Variants in DLG2 observed in about 807,000 individuals in gnomAD.
DLG2 encodes disks large homolog 2.
In DLG2, 45 loss-of-function variants were observed where a neutral mutation model predicts 132.5. That is an observed-to-expected ratio of 0.34 (90% CI 0.27 to 0.44). The LOEUF (loss-of-function observed/expected upper bound fraction) is 0.44. Among genes scored for constraint, DLG2 ranks in the 20% least tolerant of loss-of-function variants. DLG2 has a pLI of 1.00. For synonymous variants in DLG2, 424 were observed against 419.6 expected (o/e 1.01, Z -0.13); for missense variants, 1,045 against 1,196.9 (o/e 0.87, Z 1.87).
chr11:84,481,701 T>C (rs1181821293), intron 7 of DLG2, among the ~76,000 whole-genome samples: 1 of 152,190 alleles, frequency 6.6e-6, no homozygotes. Context: ...CTGTGCCCTC[T>C]GCTCCCAAAA....
intron 16 of DLG2, among the ~76,000 whole-genome samples, chr11:83,858,134 A>C (rs1726969984): frequency 6.6e-6 from 1 of 152,178 alleles, no homozygotes; most frequent in African/African-American, 2.4e-5. Flanking sequence ...CCAAATATGC[A>C]ACGTGTCTGT....
intron 18 of DLG2, among the ~76,000 whole-genome samples, chr11:83,769,962 G>A (rs1162993732): frequency 6.6e-6 from 1 of 152,084 alleles, no homozygotes; most frequent in Non-Finnish European, 1.5e-5. Context: ...TGGAGGGGTG[G>A]TGCTCCAATC....
chr11:85,232,330 T>A (rs1023202743), intron 4 of DLG2, among the ~76,000 whole-genome samples: 2 of 151,876 alleles, frequency 1.3e-5, no homozygotes, highest in African/African-American at 2.4e-5. Context: ...TTTATTTTCA[T>A]CAAAATTTTG....
chr11:84,447,640 T>C (rs1602296085), intron 7 of DLG2, among the ~76,000 whole-genome samples: 2 of 152,074 alleles, frequency 1.3e-5, no homozygotes, highest in African/African-American at 4.8e-5. Context: ...TGAGTAGTTT[T>C]TTCTTTCTTT....
chr11:83,849,309 AAATAAT>A (rs1265538608), intron 16 of DLG2, among the ~76,000 whole-genome samples: 4 of 146,918 alleles, frequency 2.7e-5, no homozygotes, highest in African/African-American at 1.0e-4. Context: ...AAATATAAAT[AAATAAT>A]ATATATAATA....
In DLG2 at chr11:84,317,342, G is replaced by A. The variant is rs371783135; in HGVS notation, c.520-66051C>T. The A allele has an allele frequency of 4.0e-4, 565 of 1,407,454 alleles. 3 individuals are homozygous for A. The highest frequency in any genetic ancestry group is 3.7e-3 in the South Asian group (231 of 62,882). The allele number at this position is 1,407,454 out of a possible 1,614,324, so 87.2% of individuals were successfully genotyped here. A position where few individuals can be genotyped will look rare whatever the true frequency, so the allele number is the denominator to read the frequency against. On this transcript the variant is annotated intron_variant, in intron 7 of 27. Transcript: ENST00000376104. ...CAGCTCCGCACAGCATTATCTGCGG[G>A]CTGGTAGCTCTTTGTCAATAGATGA...
At chr11:84,806,172 G>A (rs920781936) in intron 6 of DLG2, among the ~76,000 whole-genome samples, 1 of 152,054 alleles carries the variant, frequency 6.6e-6, no homozygotes, top group African/African-American at 2.4e-5. Context: ...AAGAGCCTCA[G>A]GGATCTGTAG....
At chr11:85,279,243 G>A (rs1414447925) in intron 4 of DLG2, among the ~76,000 whole-genome samples, 1 of 152,066 alleles carries the variant, frequency 6.6e-6, no homozygotes, top group Admixed American at 6.6e-5. Flanking sequence ...ATGTTCCTGA[G>A]TTTCACTTTA....
At chr11:85,352,257 C>G (rs2083349952) in intron 3 of DLG2, among the ~76,000 whole-genome samples, 3 of 151,982 alleles carry the variant, frequency 2.0e-5, no homozygotes, top group African/African-American at 7.3e-5. Flanking sequence ...GTGGTGATAT[C>G]CCCTTTATCA....
intron 3 of DLG2, among the ~76,000 whole-genome samples, chr11:85,359,471 G>C (rs549045090): frequency 9.9e-5 from 15 of 152,218 alleles, no homozygotes; most frequent in Non-Finnish European, 1.6e-4. Context: ...ATATCAAGCT[G>C]GTCATTATAA....
intron 19 of DLG2, among the ~76,000 whole-genome samples, chr11:83,608,203 T>C (rs908678030): frequency 6.6e-6 from 1 of 152,228 alleles, no homozygotes; most frequent in African/African-American, 2.4e-5. Flanking sequence ...ACACCTAACG[T>C]ACCAAACATC....
At chr11:85,161,476 T>C (rs973873801) in intron 4 of DLG2, among the ~76,000 whole-genome samples, 11 of 152,236 alleles carry the variant, frequency 7.2e-5, no homozygotes, top group African/African-American at 2.4e-4. Context: ...GTTGATTATA[T>C]TGGACCTCTT....
chr11:85,377,871 A>G (rs2085554112), intron 3 of DLG2, among the ~76,000 whole-genome samples: 1 of 150,508 alleles, frequency 6.6e-6, no homozygotes, highest in Non-Finnish European at 1.5e-5. Flanking sequence ...ATACATATAT[A>G]TACACACACA....
intron 15 of DLG2, among the ~76,000 whole-genome samples, chr11:83,904,813 G>A (rs2074324508): frequency 6.6e-6 from 1 of 152,014 alleles, no homozygotes; most frequent in Non-Finnish European, 1.5e-5. Context: ...GCATCACCTG[G>A]CCTTCTTTGT....
intron 24 of DLG2, 85 bp downstream of exon 24, chr11:83,471,541 T>C (rs2092024578): frequency 2.1e-6 from 2 of 967,596 alleles, no homozygotes; most frequent in Non-Finnish European, 3.3e-6. Flanking sequence ...GAGAGACTAC[T>C]GGAGGATGGA....
chr11:85,279,050 T>G (rs984611393), intron 4 of DLG2, among the ~76,000 whole-genome samples: 1 of 152,170 alleles, frequency 6.6e-6, no homozygotes, highest in Non-Finnish European at 1.5e-5. Context: ...AATAAAAAAC[T>G]TTGGTTTTCC....
chr11:84,456,347 A>G (rs936695757), intron 7 of DLG2, among the ~76,000 whole-genome samples: 1 of 151,240 alleles, frequency 6.6e-6, no homozygotes, highest in African/African-American at 2.4e-5. Flanking sequence ...TTCTTTTTCT[A>G]CAAATGTTCT....
intron 6 of DLG2, among the ~76,000 whole-genome samples, chr11:84,922,763 T>C (rs897966963): frequency 1.3e-5 from 2 of 152,144 alleles, no homozygotes; most frequent in Admixed American, 1.3e-4. Context: ...TATAGCTTTT[T>C]ACCTTCTCTG....
chr11:84,048,206 T>C (rs955930228), intron 11 of DLG2, among the ~76,000 whole-genome samples: 21 of 151,596 alleles, frequency 1.4e-4, no homozygotes, highest in Admixed American at 1.4e-3. Context: ...AGAGCGGTAA[T>C]TTAGCTACAA....
Sources: gnomAD v4.1 joint callset for allele counts (sites outside exome capture counted in the v4.1 genomes callset) on GRCh38, gnomAD v4.1.1 for gene constraint, MANE v1.5 for transcripts, NCBI Gene and HGNC (gene_info 2026-07-23, HGNC 2026-07-21) for gene names.